CD160: variants seen among roughly 807,000 people sequenced by gnomAD.
CD160 encodes CD160 molecule.
A neutral mutation model predicts 19.2 loss-of-function variants in CD160; 11 were observed. The observed-to-expected ratio is 0.57, with a 90% CI of 0.36 to 0.95. The LOEUF (loss-of-function observed/expected upper bound fraction) is 0.95, where lower values mean the gene tolerates loss of function less well. Ranked by LOEUF, CD160 falls within the 40% of genes least tolerant of loss-of-function variation. The pLI, the probability that CD160 is intolerant of heterozygous loss-of-function variation, is 0.01. For missense variants in CD160, 182 were observed against 213.2 expected, an observed-to-expected ratio of 0.85 and a Z score of 0.91; for synonymous variants, 75 against 81.1, an observed-to-expected ratio of 0.93 and a Z score of 0.40.
chr1:145,731,878 A>G (rs782495238), intron 4 of CD160, among the ~76,000 whole-genome samples: 4 of 152,178 alleles, frequency 2.6e-5, no homozygotes, highest in Non-Finnish European at 4.4e-5. Flanking sequence ...AGGAAAAAAT[A>G]AAAAAGTACA....
intron 4 of CD160, among the ~76,000 whole-genome samples, chr1:145,733,931 G>A (rs1463250615): frequency 2.0e-5 from 3 of 152,082 alleles, no homozygotes; most frequent in Non-Finnish European, 4.4e-5. Flanking sequence ...TTAATTAAAC[G>A]TTTAAACTAA....
chr1:145,737,751 C>CAAAAAAAAAAAAAAAA (rs35767467), intron 5 of CD160: 1 of 120,832 alleles, frequency 8.3e-6, no homozygotes, highest in Non-Finnish European at 1.8e-5. Flanking sequence ...CATCCTAGAG[C>CAAAAAAAAAAAAAAAA]AAAAAAAAAA....
intron 4 of CD160, among the ~76,000 whole-genome samples, chr1:145,735,598 C>CAA (rs1261554175): frequency 6.6e-6 from 1 of 151,654 alleles, no homozygotes; most frequent in Non-Finnish European, 1.5e-5. Flanking sequence ...AAAACAAAAA[C>CAA]AAAACAAACA....
At chr1:145,732,910 A>G (rs1553709602) in intron 4 of CD160, among the ~76,000 whole-genome samples, 1 of 152,216 alleles carries the variant, frequency 6.6e-6, no homozygotes, top group African/African-American at 2.4e-5. Flanking sequence ...GCACATCTTC[A>G]TCTACTGTAG....
rs1553710091 is a variant in CD160 at position 145,736,088 on chromosome 1, A to G, written c.492A>G (p.Gln164=). The change falls in exon 5 of 6, where the codon CAA becomes CAG. Residue 164 remains glutamine (Q), a synonymous_variant. Transcript: ENST00000369288. ...NEGTLSSGFL[Q]EKVWVMLVTS... is the part of the protein sequence containing the mutation. ...GCACTCTCAGTTCAGGCTTCCTACA[A>G]GAAAAGGTCTGGGTAATGCTGGTCA... The G allele has an allele frequency of 1.9e-6, 3 of 1,614,174 alleles. No homozygotes were observed. The highest frequency in any genetic ancestry group is 3.3e-5 in the Admixed American group (2 of 60,020).
intron 3 of CD160, among the ~76,000 whole-genome samples, chr1:145,730,215 A>C (rs1553708916): frequency 1.3e-5 from 2 of 152,116 alleles, no homozygotes; most frequent in African/African-American, 4.8e-5. Flanking sequence ...AGCTATTCGG[A>C]AGGCGGAAGC....
intron 3 of CD160, among the ~76,000 whole-genome samples, chr1:145,728,756 GC>G (rs1407750286): frequency 6.6e-6 from 1 of 151,932 alleles, no homozygotes. Flanking sequence ...ATCCTCAGGC[GC>G]CCGGCTGACT....
intron 4 of CD160, among the ~76,000 whole-genome samples, chr1:145,735,493 G>A (rs1391820891): frequency 6.6e-6 from 1 of 152,120 alleles, no homozygotes; most frequent in Non-Finnish European, 1.5e-5. Flanking sequence ...AGCTGAGGTG[G>A]GAGGATCGAT....
At chr1:145,732,433 G>A (rs1905) in intron 4 of CD160, among the ~76,000 whole-genome samples, 2,659 of 152,184 alleles carry the variant, frequency 0.017, 153 homozygotes, top group Admixed American at 0.12. Context: ...CAGCACTTTT[G>A]GAGGCCAAGG....
At chr1:145,731,301 G>C (rs1429108273) in intron 4 of CD160, among the ~76,000 whole-genome samples, 1 of 152,160 alleles carries the variant, frequency 6.6e-6, no homozygotes, top group Non-Finnish European at 1.5e-5. Context: ...CATTTTTACT[G>C]ACAGGGAGAT....
At chr1:145,730,407 C>T (rs1292897515) in intron 3 of CD160, among the ~76,000 whole-genome samples, 5 of 152,156 alleles carry the variant, frequency 3.3e-5, no homozygotes, top group African/African-American at 9.7e-5. Context: ...CGTCCTAGTC[C>T]TCATAGCCCC....
At chr1:145,722,426 G>A (rs1308082764) in intron 1 of CD160, among the ~76,000 whole-genome samples, 2 of 152,040 alleles carry the variant, frequency 1.3e-5, no homozygotes, top group Non-Finnish European at 2.9e-5. Flanking sequence ...CCACTAAAAC[G>A]TCCGCCTCTG....
intron 2 of CD160, 114 bp from the exon 3 acceptor site, chr1:145,728,142 C>T: frequency 1.8e-6 from 1 of 565,778 alleles, no homozygotes; most frequent in African/African-American, 1.9e-5. Context: ...CTCTCATGCC[C>T]AAGCCCTCCT....
At chr1:145,723,943 C>T (rs781943703) in intron 1 of CD160, among the ~76,000 whole-genome samples, 1 of 152,142 alleles carries the variant, frequency 6.6e-6, no homozygotes, top group Non-Finnish European at 1.5e-5. Context: ...TACATCTATA[C>T]TAGCACACTC....
Position 145,731,048 on chromosome 1 carries a change from T to A in CD160, c.378T>A (p.His126Gln), listed in dbSNP as rs782141416. 17 of 1,613,656 alleles carry A rather than the reference T, an allele frequency of 1.1e-5. No individual in the cohort carries two copies. The highest frequency in any genetic ancestry group is 3.3e-4 in the Middle Eastern group (2 of 6,068). ...AGTCAGGTATCCGCCTTCAGGGCCA[T>A]TTTTTCTCCATTCTATTCACAGGTG... ...SQKSGIRLQG[H>Q]FFSILFTETG... The change falls in exon 4 of 6, where the codon CAT becomes CAA. Residue 126 changes from histidine (H) to glutamine (Q), a missense_variant. By Grantham distance (24) the His-to-Gln change is conservative. Transcript: ENST00000369288.
intron 1 of CD160, among the ~76,000 whole-genome samples, chr1:145,721,369 C>T (rs1417962086): frequency 6.6e-6 from 1 of 152,156 alleles, no homozygotes; most frequent in Non-Finnish European, 1.5e-5. Flanking sequence ...GCCGGCTCCG[C>T]GCTGCCCCGC....
intron 4 of CD160, among the ~76,000 whole-genome samples, chr1:145,731,435 C>T (rs1657288906): frequency 6.6e-6 from 1 of 152,092 alleles, no homozygotes; most frequent in Admixed American, 6.6e-5. Flanking sequence ...TTTTGGGAGG[C>T]TGAGGTAGGC....
chr1:145,736,807 T>G (rs1257628953), intron 5 of CD160: 2 of 152,836 alleles, frequency 1.3e-5, no homozygotes, highest in African/African-American at 4.8e-5. Context: ...AAGGACTTTG[T>G]CTTCTTTACC....
intron 5 of CD160, chr1:145,738,198 A>T (rs1657572536): frequency 4.0e-6 from 1 of 251,780 alleles, no homozygotes; most frequent in Non-Finnish European, 7.5e-6. Flanking sequence ...ACCTACCTTC[A>T]ACTTTTTGAG....
Sources: gnomAD v4.1 joint callset for allele counts (sites outside exome capture counted in the v4.1 genomes callset) on GRCh38, gnomAD v4.1.1 for gene constraint, MANE v1.5 for transcripts, NCBI Gene and HGNC (gene_info 2026-07-23, HGNC 2026-07-21) for gene names.